Variants in SPIDR observed in about 807,000 individuals in gnomAD.
The protein encoded by SPIDR is scaffold protein involved in DNA repair, also known as DNA repair-scaffolding protein.
A neutral mutation model predicts 104.6 loss-of-function variants in SPIDR; 93 were observed. That is an observed-to-expected ratio of 0.89 (90% CI 0.75 to 1.06). The LOEUF (loss-of-function observed/expected upper bound fraction) is 1.06, where lower values mean the gene tolerates loss of function less well. SPIDR is among the 50% of genes least tolerant of loss of function. The pLI, the probability that SPIDR is intolerant of heterozygous loss-of-function variation, is 0.00. For missense variants in SPIDR, 1,154 were observed against 1,111.2 expected, an observed-to-expected ratio of 1.04 and a Z score of -0.55; for synonymous variants, 431 against 416.9, an observed-to-expected ratio of 1.03 and a Z score of -0.41.
At chr8:47,469,729 C>G (rs376328587) in intron 8 of SPIDR, among the ~76,000 whole-genome samples, 2 of 151,716 alleles carry the variant, frequency 1.3e-5, no homozygotes, top group South Asian at 4.2e-4. Flanking sequence ...GGAGGGTGGG[C>G]GGAAGGAGGG....
At chr8:47,469,100 A>G (rs549459327) in intron 8 of SPIDR, among the ~76,000 whole-genome samples, 1 of 152,368 alleles carries the variant, frequency 6.6e-6, no homozygotes, top group Admixed American at 6.5e-5. Flanking sequence ...AAAGCTGAAC[A>G]TCACTTATCA....
At chr8:47,716,105 C>G (rs2082554205) in intron 16 of SPIDR, among the ~76,000 whole-genome samples, 3 of 151,860 alleles carry the variant, frequency 2.0e-5, no homozygotes, top group Admixed American at 1.3e-4. Context: ...GCTGGGACTA[C>G]AGGCATGCAC....
At chr8:47,660,625 C>T (rs1037823432) in intron 10 of SPIDR, 2 of 532,126 alleles carry the variant, frequency 3.8e-6, no homozygotes, top group Non-Finnish European at 4.8e-6. Context: ...CCGCTGTAGA[C>T]ATGGTATTCT....
At chr8:47,477,002 T>C (rs2076364682) in intron 8 of SPIDR, among the ~76,000 whole-genome samples, 1 of 152,240 alleles carries the variant, frequency 6.6e-6, no homozygotes, top group African/African-American at 2.4e-5. Flanking sequence ...TATCTGTTAG[T>C]ACAAGCTGCC....
intron 7 of SPIDR, among the ~76,000 whole-genome samples, chr8:47,432,208 A>G (rs1422670485): frequency 6.6e-6 from 1 of 152,266 alleles, no homozygotes; most frequent in African/African-American, 2.4e-5. Flanking sequence ...AAAACAATAT[A>G]AACAAGTAAA....
At chr8:47,693,279 G>T (rs1246004403) in intron 11 of SPIDR, among the ~76,000 whole-genome samples, 2 of 152,178 alleles carry the variant, frequency 1.3e-5, no homozygotes, top group Non-Finnish European at 2.9e-5. Context: ...CCTAAACTGT[G>T]TCACCAACTA....
chr8:47,731,604 C>A (rs1048874132), intron 19 of SPIDR, among the ~76,000 whole-genome samples: 7 of 152,264 alleles, frequency 4.6e-5, no homozygotes, highest in African/African-American at 1.7e-4. Flanking sequence ...ACAGAGTGAC[C>A]ACCTGCAGAG....
chr8:47,343,575 C>T (rs2051207410), intron 5 of SPIDR, among the ~76,000 whole-genome samples: 1 of 152,162 alleles, frequency 6.6e-6, no homozygotes, highest in Non-Finnish European at 1.5e-5. Flanking sequence ...AGGAAAGCTG[C>T]CTGGGGTGGA....
chr8:47,727,395 G>C, intron 17 of SPIDR, 102 bp downstream of exon 17: 1 of 1,016,500 alleles, frequency 9.8e-7, no homozygotes, highest in Non-Finnish European at 1.5e-6. Flanking sequence ...ACTCCCTCGA[G>C]AGCTCAAGGG....
intron 11 of SPIDR, among the ~76,000 whole-genome samples, chr8:47,689,317 G>T (rs937879639): frequency 6.6e-6 from 1 of 152,196 alleles, no homozygotes; most frequent in Non-Finnish European, 1.5e-5. Context: ...TCCCAGCAGA[G>T]GCTATGGGTC....
intron 8 of SPIDR, among the ~76,000 whole-genome samples, chr8:47,569,314 ATAAT>A (rs2058253104): frequency 6.6e-6 from 1 of 152,226 alleles, no homozygotes; most frequent in Non-Finnish European, 1.5e-5. Context: ...TTCTAAAATA[ATAAT>A]TAGAGACTTA....
intron 8 of SPIDR, among the ~76,000 whole-genome samples, chr8:47,461,179 T>C (rs1403821646): frequency 6.6e-6 from 1 of 152,250 alleles, no homozygotes. Flanking sequence ...TTCTTGTATT[T>C]GGATGTCTAG....
chr8:47,350,821 CCA>C (rs1293395367), intron 5 of SPIDR, among the ~76,000 whole-genome samples: 2 of 152,286 alleles, frequency 1.3e-5, no homozygotes, highest in Non-Finnish European at 2.9e-5. Context: ...CCCCCTTTAT[CCA>C]CAGTTTGGTT....
intron 8 of SPIDR, among the ~76,000 whole-genome samples, chr8:47,479,381 GA>G: frequency 6.6e-6 from 1 of 151,860 alleles, no homozygotes; most frequent in East Asian, 1.9e-4. Flanking sequence ...AGAAAGAAAG[GA>G]AAGAAAAGAA....
chr8:47,382,634 A>G (rs1554646087), intron 5 of SPIDR, among the ~76,000 whole-genome samples: 5 of 152,082 alleles, frequency 3.3e-5, no homozygotes, highest in African/African-American at 4.8e-5. Flanking sequence ...GATGGTCTCG[A>G]TCTCTTGACT....
At chr8:47,588,424 G>A (rs1259025418) in intron 8 of SPIDR, among the ~76,000 whole-genome samples, 1 of 151,324 alleles carries the variant, frequency 6.6e-6, no homozygotes, top group African/African-American at 2.4e-5. Context: ...ATTTTTGTGT[G>A]TGTTGGTTTC....
At chr8:47,577,594 G>A (rs1171682407) in intron 8 of SPIDR, among the ~76,000 whole-genome samples, 1 of 152,222 alleles carries the variant, frequency 6.6e-6, no homozygotes, top group Non-Finnish European at 1.5e-5. Flanking sequence ...GGCATCCTGT[G>A]TGTATGGAGG....
chr8:47,489,837 A>G (rs546249438), intron 8 of SPIDR, among the ~76,000 whole-genome samples: 2 of 152,200 alleles, frequency 1.3e-5, no homozygotes, highest in Non-Finnish European at 1.5e-5. Flanking sequence ...CTTACACCTT[A>G]TACACCAATT....
intron 5 of SPIDR, among the ~76,000 whole-genome samples, chr8:47,329,382 T>A (rs1554603022): frequency 6.6e-6 from 1 of 152,028 alleles, no homozygotes; most frequent in Non-Finnish European, 1.5e-5. Flanking sequence ...AATTTTTGTA[T>A]TTTTTTGTAG....
Sources: allele counts gnomAD v4.1 joint callset (sites outside exome capture counted in the v4.1 genomes callset), GRCh38; gene constraint gnomAD v4.1.1; transcripts MANE v1.5; gene names NCBI Gene and HGNC (gene_info 2026-07-23, HGNC 2026-07-21).